SLC25A17: variants seen among roughly 807,000 people sequenced by gnomAD.
SLC25A17 encodes solute carrier family 25 member 17.
A neutral mutation model predicts 38.5 loss-of-function variants in SLC25A17; 26 were observed. The ratio of observed to expected loss-of-function variants is 0.68; its 90% CI spans 0.50 to 0.94. The LOEUF (loss-of-function observed/expected upper bound fraction) is 0.94, where lower values mean the gene tolerates loss of function less well. Ranked by LOEUF, SLC25A17 falls within the 40% of genes least tolerant of loss-of-function variation. The probability of loss-of-function intolerance (pLI) is 0.00; values close to 1 mark genes in which losing one functional copy is unlikely to be tolerated. For synonymous variants in SLC25A17, 139 were observed against 136.2 expected (o/e 1.02, Z -0.14); for missense variants, 333 against 372.7 (o/e 0.89, Z 0.88).
chr22:40,809,059 T>TA (rs1175388487), intron 1 of SLC25A17, among the ~76,000 whole-genome samples: 8 of 151,992 alleles, frequency 5.3e-5, no homozygotes, highest in Non-Finnish European at 8.8e-5. Context: ...AAATATGGTT[T>TA]AAAAAATATA....
chr22:40,803,820 G>GTTTTTTTTTTT (rs772323398), intron 1 of SLC25A17, among the ~76,000 whole-genome samples: 1 of 117,454 alleles, frequency 8.5e-6, no homozygotes, highest in Non-Finnish European at 1.9e-5. Context: ...GCTAGTTTTT[G>GTTTTTTTTTTT]TTTTTTTTTT....
intron 1 of SLC25A17, among the ~76,000 whole-genome samples, chr22:40,818,616 G>A (rs972795990): frequency 3.3e-5 from 5 of 151,610 alleles, no homozygotes; most frequent in Admixed American, 1.3e-4. Flanking sequence ...TGAGGTGGGC[G>A]GATCGCTGGA....
At chr22:40,815,862 C>T (rs1322933912) in intron 1 of SLC25A17, among the ~76,000 whole-genome samples, 1 of 152,084 alleles carries the variant, frequency 6.6e-6, no homozygotes, top group African/African-American at 2.4e-5. Context: ...TTTCATTAAT[C>T]GTTTTTGATT....
intron 1 of SLC25A17, among the ~76,000 whole-genome samples, chr22:40,817,981 G>A (rs2057659682): frequency 6.6e-6 from 1 of 152,186 alleles, no homozygotes; most frequent in African/African-American, 2.4e-5. Context: ...TTCATGAAAT[G>A]CTGTGTCACT....
chr22:40,779,068 A>G lies in SLC25A17; in HGVS notation c.392T>C (p.Leu131Pro). Residue 131 changes from leucine (L) to proline (P), a missense_variant, in exon 5 of 9, where the codon CTT (leucine) becomes CCT (proline). Transcript: ENST00000435456. ...PLWVVNTRLKLQGAKFRNEDI... is the reference protein window; with the variant it reads ...PLWVVNTRLKPQGAKFRNEDI... Reference sequence around the variant, plus strand: ...TTCATTCCTAAATTTTGCTCCTTGAAGCTTCAGTCTGGTGTTTACCACCCA... The same window carrying G: ...TTCATTCCTAAATTTTGCTCCTTGAGGCTTCAGTCTGGTGTTTACCACCCA... 6 of 1,614,216 alleles carry G rather than the reference A, an allele frequency of 3.7e-6. No homozygotes were observed. The highest frequency in any genetic ancestry group is 5.1e-6 in the Non-Finnish European group (6 of 1,180,042).
intron 1 of SLC25A17, among the ~76,000 whole-genome samples, chr22:40,815,306 T>A (rs1339483558): frequency 6.6e-6 from 1 of 152,086 alleles, no homozygotes; most frequent in Non-Finnish European, 1.5e-5. Flanking sequence ...TGGAGCAAAG[T>A]CCTGGAAGAA....
At position 40,799,079 on chromosome 22, in the gene SLC25A17, C is replaced by G; in HGVS notation, c.59G>C (p.Ser20Thr). The stretch of plus-strand genomic sequence containing the variant: ...AAAAAACACTGTCATTGCTGTCACG[C>G]TTCCCTGAAAAGTTTGAAAAAGGCC... ...LVHAVAGAVG[S>T]VTAMTVFFPL... Residue 20 changes from serine (S) to threonine (T), a missense_variant, in exon 2 of 9, where the codon AGC becomes ACC. By Grantham distance (58) the Ser-to-Thr change is moderately conservative. Coordinates refer to ENST00000435456, the MANE Select transcript of SLC25A17 (RefSeq NM_006358.4). 6.2e-7 allele frequency: 1 copy of G among 1,613,470 alleles called. No homozygotes were observed. Among genetic ancestry groups the G allele is most frequent in the South Asian group, 1.1e-5 (1 of 91,070 alleles).
intron 8 of SLC25A17, among the ~76,000 whole-genome samples, chr22:40,772,632 C>CTT (rs925177899): frequency 2.8e-5 from 4 of 144,296 alleles, no homozygotes; most frequent in Admixed American, 7.0e-5. Context: ...CTTGAATGTT[C>CTT]TTTTTTTTTT....
chr22:40,800,689 A>G (rs1315661834), intron 1 of SLC25A17, among the ~76,000 whole-genome samples: 2 of 151,692 alleles, frequency 1.3e-5, no homozygotes, highest in Non-Finnish European at 2.9e-5. Flanking sequence ...GAGCCACTGC[A>G]CCTGGCTTCA....
At chr22:40,790,633 G>C (rs1312905116) in intron 4 of SLC25A17, among the ~76,000 whole-genome samples, 1 of 152,178 alleles carries the variant, frequency 6.6e-6, no homozygotes, top group African/African-American at 2.4e-5. Context: ...GAACAGGACA[G>C]AGAGAGTAAC....
intron 1 of SLC25A17, 54 bp downstream of exon 1, chr22:40,819,141 C>T: frequency 1.3e-6 from 2 of 1,589,502 alleles, no homozygotes; most frequent in South Asian, 1.1e-5. Context: ...CCGGGACTGG[C>T]CCCCGAGAAG....
intron 3 of SLC25A17, among the ~76,000 whole-genome samples, chr22:40,793,335 A>G (rs1381561413): frequency 1.3e-5 from 2 of 152,212 alleles, no homozygotes; most frequent in African/African-American, 2.4e-5. Context: ...AATTTAGGGG[A>G]AAAATGTTGA....
rs1258922194 is a variant in SLC25A17, at chr22:40,806,396, A to C, written c.55-7313T>G. ...GGTAGCCTAGACAACGTGCTGCAAAATACCTAGAAATGTCGAATAAAATAT... is the reference window on the plus strand; with the variant it reads ...GGTAGCCTAGACAACGTGCTGCAAACTACCTAGAAATGTCGAATAAAATAT... On this transcript the variant is annotated intron_variant, in intron 1 of 8. Transcript: ENST00000435456. Among the ~76,000 whole-genome samples, 5 of 152,206 alleles carry C rather than the reference A, an allele frequency of 3.3e-5. No homozygotes were observed. In the East Asian group the frequency reaches 9.6e-4, roughly 29 times the overall value.
Position 40,792,661 on chromosome 22 carries a change from T to G in SLC25A17, c.198A>C (p.Arg66=), listed in dbSNP as rs1398726570. 1 of 1,613,852 alleles carries G rather than the reference T, an allele frequency of 6.2e-7. No individual in the cohort carries two copies. Among genetic ancestry groups the G allele is most frequent in the Non-Finnish European group, 8.5e-7 (1 of 1,179,966 alleles). The change falls in exon 4 of 9, where the codon CGA becomes CGC. Residue 66 remains arginine (R), a synonymous_variant. Transcript: ENST00000435456. ...GACTGGAAATCACTGGAAACCACCC[T>G]CGATATGGTGCCAGGCTAGGGGAAA... ...IKEEGLLAPY[R]GWFPVISSLC...
At chr22:40,798,180 T>G (rs1254568838) in intron 2 of SLC25A17, 2 of 152,270 alleles carry the variant, frequency 1.3e-5, no homozygotes, top group Admixed American at 6.6e-5. Context: ...TTCTGGAAAT[T>G]CGAAGGGGCT....
At chr22:40,815,676 C>T (rs769480911) in intron 1 of SLC25A17, among the ~76,000 whole-genome samples, 4 of 152,222 alleles carry the variant, frequency 2.6e-5, no homozygotes, top group Admixed American at 1.3e-4. Flanking sequence ...AATATAATCA[C>T]ATTTACTTCC....
chr22:40,791,747 T>C (rs547271253), intron 4 of SLC25A17, among the ~76,000 whole-genome samples: 9 of 152,272 alleles, frequency 5.9e-5, no homozygotes, highest in Admixed American at 5.9e-4. Flanking sequence ...AAGTAAGTGT[T>C]AGTGAGGATG....
intron 1 of SLC25A17, among the ~76,000 whole-genome samples, chr22:40,802,241 G>A (rs1248977807): frequency 6.6e-6 from 1 of 152,156 alleles, no homozygotes; most frequent in Non-Finnish European, 1.5e-5. Flanking sequence ...CCTAAACATA[G>A]AAGTCCTTGC....
intron 1 of SLC25A17, among the ~76,000 whole-genome samples, chr22:40,807,584 C>T (rs1486030917): frequency 4.6e-5 from 7 of 152,076 alleles, no homozygotes; most frequent in Admixed American, 2.0e-4. Flanking sequence ...CCCTTCTCTA[C>T]TAAAAATACA....
Sources: gnomAD v4.1 joint callset for allele counts (sites outside exome capture counted in the v4.1 genomes callset) on GRCh38, gnomAD v4.1.1 for gene constraint, MANE v1.5 for transcripts, NCBI Gene and HGNC (gene_info 2026-07-23, HGNC 2026-07-21) for gene names.